Variants in NRG3 observed in about 807,000 individuals in gnomAD.
The protein encoded by NRG3 is pro-neuregulin-3, membrane-bound isoform.
In NRG3, 31 loss-of-function variants were observed where a neutral mutation model predicts 66.9. The observed-to-expected ratio is 0.46, with a 90% CI of 0.35 to 0.63. The LOEUF (loss-of-function observed/expected upper bound fraction) is 0.63, where lower values mean the gene tolerates loss of function less well. NRG3 is among the 20% of genes least tolerant of loss of function. The probability of loss-of-function intolerance (pLI) is 0.00; values close to 1 mark genes in which losing one functional copy is unlikely to be tolerated. For missense variants in NRG3, 910 were observed against 878.9 expected (o/e 1.04, Z -0.45); for synonymous variants, 393 against 359.4 (o/e 1.09, Z -1.06).
intron 1 of NRG3, among the ~76,000 whole-genome samples, chr10:82,019,144 A>C (rs1441376800): frequency 6.6e-6 from 1 of 152,160 alleles, no homozygotes; most frequent in Non-Finnish European, 1.5e-5. Context: ...TTTTAGCATG[A>C]AGGGCTGTTG....
intron 4 of NRG3, among the ~76,000 whole-genome samples, chr10:82,889,833 G>A (rs1842997730): frequency 6.6e-6 from 1 of 152,144 alleles, no homozygotes; most frequent in Non-Finnish European, 1.5e-5. Flanking sequence ...TTGCCCTGAA[G>A]GAATCTCAAT....
At chr10:82,830,939 A>G (rs1190498519) in intron 3 of NRG3, among the ~76,000 whole-genome samples, 1 of 152,214 alleles carries the variant, frequency 6.6e-6, no homozygotes, top group Non-Finnish European at 1.5e-5. Context: ...CTGATACAGA[A>G]CATGCAATGC....
At chr10:82,966,360 ATTT>A (rs1851207925) in intron 6 of NRG3, among the ~76,000 whole-genome samples, 1 of 152,090 alleles carries the variant, frequency 6.6e-6, no homozygotes, top group African/African-American at 2.4e-5. Context: ...CTGGTAAAGA[ATTT>A]TGGAGGATGC....
rs77495974 is a variant in NRG3 at position 82,544,902 on chromosome 10, C to T, written c.953+186034C>T. On this transcript the variant is annotated intron_variant, in intron 2 of 8. Coordinates refer to ENST00000372141, the MANE Select transcript of NRG3 (RefSeq NM_001010848.4). ...AAACCAGGAGCTTCAATATTACTTT[C>T]GTACCTACCAGCTTCCATTTTCAGC... Among the ~76,000 whole-genome samples, 209 of 152,308 alleles carry T rather than the reference C, an allele frequency of 1.4e-3. 3 individuals are homozygous for T. In the East Asian group the frequency reaches 0.037, roughly 27 times the overall value.
At chr10:82,244,282 A>G (rs898120748) in intron 1 of NRG3, among the ~76,000 whole-genome samples, 2 of 152,164 alleles carry the variant, frequency 1.3e-5, no homozygotes, top group Admixed American at 1.3e-4. Flanking sequence ...TGAAAAGATT[A>G]TTACCTTAAT....
At chr10:81,912,323 G>T (rs1240144886) in intron 1 of NRG3, among the ~76,000 whole-genome samples, 1 of 152,178 alleles carries the variant, frequency 6.6e-6, no homozygotes, top group African/African-American at 2.4e-5. Flanking sequence ...CTGGGCTGAA[G>T]TGATCCTCCT....
At chr10:82,151,649 C>T (rs1441509846) in intron 1 of NRG3, among the ~76,000 whole-genome samples, 1 of 152,154 alleles carries the variant, frequency 6.6e-6, no homozygotes, top group African/African-American at 2.4e-5. Flanking sequence ...TCTAATAAAG[C>T]TTTATTCTCT....
chr10:82,418,464 A>G (rs2136216288), intron 2 of NRG3, among the ~76,000 whole-genome samples: 1 of 145,712 alleles, frequency 6.9e-6, no homozygotes, highest in Non-Finnish European at 1.5e-5. Flanking sequence ...AAATGAAAAG[A>G]GGAGGTAAGA....
At chr10:82,170,995 C>G (rs2072559472) in intron 1 of NRG3, among the ~76,000 whole-genome samples, 1 of 151,622 alleles carries the variant, frequency 6.6e-6, no homozygotes, top group Admixed American at 6.6e-5. Flanking sequence ...CATTTGTCTT[C>G]ATGTGAAGGA....
intron 1 of NRG3, among the ~76,000 whole-genome samples, chr10:82,291,831 A>G (rs2079766523): frequency 6.6e-6 from 1 of 152,206 alleles, no homozygotes; most frequent in South Asian, 2.1e-4. Flanking sequence ...AAATCAACTC[A>G]AAATGAATTA....
rs1366684146 is a variant in NRG3, at chr10:82,762,319, A to G, written c.1027+23669A>G. Reference sequence around the variant, plus strand: ...AGAAATTTTCCAATTTCCATTATGAATGAGAAAAATGAATAAAACAAGAAT... The same window carrying G: ...AGAAATTTTCCAATTTCCATTATGAGTGAGAAAAATGAATAAAACAAGAAT... On this transcript the variant is annotated intron_variant, in intron 3 of 8. Coordinates refer to ENST00000372141, the MANE Select transcript of NRG3 (RefSeq NM_001010848.4). 2.0e-5 allele frequency among the ~76,000 whole-genome samples: 3 copies of G among 152,266 alleles called. No homozygotes were observed. The East Asian group carries it at 5.8e-4, about 29-fold the overall frequency.
chr10:82,946,132 C>T (rs1326823708), intron 4 of NRG3, among the ~76,000 whole-genome samples: 1 of 151,362 alleles, frequency 6.6e-6, no homozygotes, highest in African/African-American at 2.4e-5. Context: ...AATATGGTCC[C>T]CTGAATCAGT....
intron 3 of NRG3, among the ~76,000 whole-genome samples, chr10:82,844,671 C>CTT (rs35056787): frequency 2.9e-5 from 4 of 138,520 alleles, no homozygotes; most frequent in Admixed American, 1.5e-4. Context: ...CCTCTACAAT[C>CTT]TTTTTTTTTT....
intron 2 of NRG3, among the ~76,000 whole-genome samples, chr10:82,390,114 C>G (rs1589954319): frequency 6.6e-6 from 1 of 152,278 alleles, no homozygotes; most frequent in East Asian, 1.9e-4. Flanking sequence ...AACAAGAGTA[C>G]AAACCTATCT....
chr10:81,935,298 T>C (rs765371690), intron 1 of NRG3, among the ~76,000 whole-genome samples: 19 of 152,212 alleles, frequency 1.2e-4, no homozygotes, highest in Admixed American at 3.3e-4. Context: ...ATATGTCATT[T>C]TGGGGAAAAA....
chr10:81,914,297 C>T (rs147777557), intron 1 of NRG3, among the ~76,000 whole-genome samples: 125 of 152,292 alleles, frequency 8.2e-4, no homozygotes, highest in Admixed American at 1.8e-3. Flanking sequence ...ACTCACAACT[C>T]CAAGGACCAT....
intron 3 of NRG3, among the ~76,000 whole-genome samples, chr10:82,808,938 G>C (rs2061389530): frequency 6.6e-6 from 1 of 152,290 alleles, no homozygotes; most frequent in African/African-American, 2.4e-5. Context: ...TCACAGTAGA[G>C]GTGCTATTTG....
chr10:82,775,962 T>C (rs1054516535), intron 3 of NRG3, among the ~76,000 whole-genome samples: 1 of 152,164 alleles, frequency 6.6e-6, no homozygotes, highest in Non-Finnish European at 1.5e-5. Flanking sequence ...ACTTGAAATA[T>C]TTACACATTG....
At chr10:82,745,055 G>A (rs2058588059) in intron 3 of NRG3, among the ~76,000 whole-genome samples, 1 of 152,114 alleles carries the variant, frequency 6.6e-6, no homozygotes, top group Non-Finnish European at 1.5e-5. Context: ...GCATGAAGAA[G>A]TACAAATGAG....
Sources: gnomAD v4.1 joint callset for allele counts (sites outside exome capture counted in the v4.1 genomes callset) on GRCh38, gnomAD v4.1.1 for gene constraint, MANE v1.5 for transcripts, NCBI Gene and HGNC (gene_info 2026-07-23, HGNC 2026-07-21) for gene names.